Variants in TENT4A observed in about 807,000 individuals in gnomAD.
The protein encoded by TENT4A is terminal nucleotidyltransferase 4A.
Under a neutral mutation model 72.8 loss-of-function variants are expected in TENT4A, and 7 were observed. The observed-to-expected ratio is 0.10, with a 90% confidence interval of 0.05 to 0.18. The LOEUF is 0.18. Among genes scored for constraint, TENT4A ranks in the 10% least tolerant of loss-of-function variants. TENT4A has a pLI of 1.00. For missense variants in TENT4A, 831 were observed against 1,017.7 expected, an observed-to-expected ratio of 0.82 and a Z score of 2.50; for synonymous variants, 456 against 434.3, an observed-to-expected ratio of 1.05 and a Z score of -0.62.
At chr5:6,743,524 T>G (rs1278432711) in intron 5 of TENT4A, among the ~76,000 whole-genome samples, 188 bp from the exon 6 acceptor site, 1 of 152,180 alleles carries the variant, frequency 6.6e-6, no homozygotes, top group African/African-American at 2.4e-5. Flanking sequence ...GTCTCGATTT[T>G]CACAAGCCCC....
Position 6,714,673 on chromosome 5 carries a change from C to A in TENT4A, c.690C>A (p.Ser230Arg). 1 of 1,196,442 alleles carries A rather than the reference C, an allele frequency of 8.4e-7. No homozygotes were observed. The highest frequency in any genetic ancestry group is 4.2e-5 in the South Asian group (1 of 24,038). The allele number at this position is 1,196,442 out of a possible 1,614,324, so 74.1% of individuals were successfully genotyped here. The change falls in exon 1 of 13, where the codon AGC (serine) becomes AGA (arginine). Residue 230 changes from serine to arginine, a missense_variant. Coordinates refer to ENST00000230859, the MANE Select transcript of TENT4A (RefSeq NM_006999.6). ...QAPRPGTPWKSRAYSPGIQGL... is the reference protein window; with the variant it reads ...QAPRPGTPWKRRAYSPGIQGL... ...CGCGGCCCGGCACCCCGTGGAAGAG[C>A]CGCGCGTACAGCCCGGGCATCCAGG...
At chr5:6,721,753 A>G (rs1023523201) in intron 1 of TENT4A, among the ~76,000 whole-genome samples, 2 of 152,164 alleles carry the variant, frequency 1.3e-5, no homozygotes, top group East Asian at 3.9e-4. Context: ...TTGGCAGAGA[A>G]TGTCTTTGAT....
chr5:6,733,563 A>G (rs940787297), intron 1 of TENT4A, among the ~76,000 whole-genome samples: 13 of 152,258 alleles, frequency 8.5e-5, no homozygotes, highest in African/African-American at 3.1e-4. Flanking sequence ...GTCTGTGGAT[A>G]GGAGACTTTA....
chr5:6,747,826 A>T lies in TENT4A; in HGVS notation c.1460-638A>T, dbSNP rs172080. 1.2e-4 allele frequency among the ~76,000 whole-genome samples: 18 copies of T among 152,198 alleles called. No individual in the cohort carries two copies. In the East Asian group the frequency reaches 2.1e-3, roughly 18 times the overall value. ...AATGAGTTGTTTGTAGATTAAAATT[A>T]GAAACAGTGCTTTTCTTATGAAAAT... On this transcript the variant is annotated intron_variant, in intron 7 of 12. Transcript: ENST00000230859.
intron 12 of TENT4A, among the ~76,000 whole-genome samples, chr5:6,754,546 G>A (rs939647015): frequency 6.6e-6 from 1 of 152,152 alleles, no homozygotes; most frequent in Non-Finnish European, 1.5e-5. Flanking sequence ...GTTTGATCCT[G>A]GTACATGGTT....
At chr5:6,735,872 T>G (rs2126629580) in intron 1 of TENT4A, among the ~76,000 whole-genome samples, 1 of 151,998 alleles carries the variant, frequency 6.6e-6, no homozygotes, top group African/African-American at 2.4e-5. Context: ...GCGATTCTCC[T>G]GCCTCAGTTT....
rs780362632 is a variant in TENT4A, at chr5:6,750,395, G to T, written c.1752G>T (p.Glu584Asp). ...TCNGEQTQNREPESPYGQRLT... is the reference protein window; with the variant it reads ...TCNGEQTQNRDPESPYGQRLT... ...ATGGGGAGCAGACGCAGAACCGAGAGCCCGAGTCTCCCTATGGCCAGCGCT... is the reference window on the plus strand; with the variant it reads ...ATGGGGAGCAGACGCAGAACCGAGATCCCGAGTCTCCCTATGGCCAGCGCT... The change falls in exon 10 of 13, where the codon GAG becomes GAT. Residue 584 changes from glutamate to aspartate, a missense_variant. Physicochemically the swap from Glu to Asp is conservative, Grantham distance 45. Around this residue, in one of 3 missense-constraint regions of TENT4A, gnomAD observed 332 missense variants for 324.3 expected, o/e 1.02. Transcript: ENST00000230859. The T allele has an allele frequency of 4.3e-6, 7 of 1,613,248 alleles. No individual in the cohort carries two copies. Among genetic ancestry groups the T allele is most frequent in the Non-Finnish European group, 5.1e-6 (6 of 1,179,592 alleles).
chr5:6,751,732 T>C (rs1742417894), intron 11 of TENT4A, among the ~76,000 whole-genome samples: 1 of 152,272 alleles, frequency 6.6e-6, no homozygotes. Context: ...TACTAAATTT[T>C]GTATCTACTT....
chr5:6,723,037 A>T (rs1364508348), intron 1 of TENT4A, among the ~76,000 whole-genome samples: 5 of 138,562 alleles, frequency 3.6e-5, no homozygotes, highest in African/African-American at 1.3e-4. Context: ...AACTGCAGTA[A>T]CTTTAGGCTC....
intron 6 of TENT4A, among the ~76,000 whole-genome samples, chr5:6,745,441 A>G (rs1411807141): frequency 6.6e-6 from 1 of 152,186 alleles, no homozygotes; most frequent in East Asian, 1.9e-4. Context: ...CCACTTCTGC[A>G]TGGTCCGGCA....
At chr5:6,730,813 G>T (rs967737743) in intron 1 of TENT4A, among the ~76,000 whole-genome samples, 1 of 149,116 alleles carries the variant, frequency 6.7e-6, no homozygotes, top group Non-Finnish European at 1.5e-5. Context: ...AATTTGTGCA[G>T]GTATTAGTTG....
chr5:6,719,996 A>G lies in TENT4A; in HGVS notation c.716+5297A>G, dbSNP rs372292810. Among the ~76,000 whole-genome samples, 28 of 152,184 alleles carry G rather than the reference A, an allele frequency of 1.8e-4. No homozygotes were observed. In the South Asian group the frequency reaches 5.4e-3, roughly 29 times the overall value. ...GTCCTCTTACCAGCACATTCCTGTT[A>G]TTGTCAGAATTCAGTTCCTTGCAGG... On this transcript the variant is annotated intron_variant, in intron 1 of 12. Coordinates refer to ENST00000230859, the MANE Select transcript of TENT4A (RefSeq NM_006999.6).
At position 6,755,528 on chromosome 5, in the gene TENT4A, T is replaced by C. The variant is rs917847665; in HGVS notation, c.*583T>C. On this transcript the variant is annotated 3_prime_UTR_variant, in exon 13 of 13. Coordinates refer to ENST00000230859, the MANE Select transcript of TENT4A (RefSeq NM_006999.6). ...AGGAGGGAATTTTTTTTAAACAAGC[T>C]TAGGTCCTTTCCCGAGCTGCATTTT... 70 of 152,784 alleles carry C rather than the reference T, an allele frequency of 4.6e-4. No homozygotes were observed. Among genetic ancestry groups the C allele is most frequent in the Non-Finnish European group, 7.3e-5 (5 of 68,030 alleles). The allele number at this position is 152,784 out of a possible 1,614,324, so 9.5% of individuals were successfully genotyped here. A position where few individuals can be genotyped will look rare whatever the true frequency, so the allele number is the denominator to read the frequency against.
chr5:6,737,685 A>G (rs1203172930), intron 2 of TENT4A, 52 bp downstream of exon 2: 2 of 1,581,228 alleles, frequency 1.3e-6, no homozygotes, highest in Non-Finnish European at 1.7e-6. Flanking sequence ...GAGTAAATTT[A>G]AATACCCTGT....
intron 1 of TENT4A, among the ~76,000 whole-genome samples, chr5:6,720,675 AAAATAAATAAATAAATAAATAAAT>A (rs141500932): frequency 1.4e-5 from 2 of 140,124 alleles, no homozygotes; most frequent in African/African-American, 2.7e-5. Flanking sequence ...ACTCTGTCTC[AAAATAAATAAATAAATAAATAAAT>A]AAATAAATAA....
At chr5:6,724,889 G>A (rs759599726) in intron 1 of TENT4A, among the ~76,000 whole-genome samples, 15 of 152,294 alleles carry the variant, frequency 9.8e-5, no homozygotes, top group Non-Finnish European at 1.6e-4. Context: ...GGCTGTTCTC[G>A]GCACAGCTGG....
At chr5:6,739,607 A>T in intron 3 of TENT4A, 125 bp from the exon 4 acceptor site, 1 of 1,101,980 alleles carries the variant, frequency 9.1e-7, no homozygotes, top group Non-Finnish European at 1.3e-6. Flanking sequence ...GCCATAGGCT[A>T]GTGGGATTGT....
intron 1 of TENT4A, among the ~76,000 whole-genome samples, chr5:6,723,800 A>G (rs1353680357): frequency 6.6e-6 from 1 of 152,196 alleles, no homozygotes; most frequent in Non-Finnish European, 1.5e-5. Flanking sequence ...AGGATTTCAT[A>G]GGGAAGCCAG....
Position 6,714,687 on chromosome 5 carries a change from C to A in TENT4A, c.704C>A (p.Pro235Gln). The change falls in exon 1 of 13, where the codon CCG becomes CAG. Residue 235 changes from proline (P) to glutamine (Q), a missense_variant. Pro to Gln is a moderately conservative substitution (Grantham distance 76). Coordinates refer to ENST00000230859, the MANE Select transcript of TENT4A (RefSeq NM_006999.6). ...CCGTGGAAGAGCCGCGCGTACAGCC[C>A]GGGCATCCAGGGGTGAGTGCGCGGG... Reference protein sequence around the residue: ...GTPWKSRAYSPGIQGLHEEII... With the variant: ...GTPWKSRAYSQGIQGLHEEII... The A allele has an allele frequency of 8.4e-7, 1 of 1,194,112 alleles. No homozygotes were observed. Among genetic ancestry groups the A allele is most frequent in the Non-Finnish European group, 1.0e-6 (1 of 963,504 alleles). 74.0% of individuals were successfully genotyped at this position (1,194,112 alleles called of 1,614,324 possible). A position where few individuals can be genotyped will look rare whatever the true frequency, so the allele number is the denominator to read the frequency against.
Sources: allele counts gnomAD v4.1 joint callset (sites outside exome capture counted in the v4.1 genomes callset), GRCh38; gene constraint gnomAD v4.1.1; regional missense constraint gnomAD v4.1.1; transcripts MANE v1.5; gene names NCBI Gene and HGNC (gene_info 2026-07-23, HGNC 2026-07-21).